Variants in GLRA2 observed in about 807,000 individuals in gnomAD.
GLRA2 encodes the protein glycine receptor subunit alpha-2.
A neutral mutation model predicts 31.6 loss-of-function variants in GLRA2; 11 were observed. That is an observed-to-expected ratio of 0.35 (90% confidence interval 0.22 to 0.58). The LOEUF is 0.58. Among genes scored for constraint, GLRA2 ranks in the 20% least tolerant of loss-of-function variants. GLRA2 has a pLI of 0.84. For synonymous variants in GLRA2, 132 were observed against 134.0 expected, an observed-to-expected ratio of 0.99 and a Z score of 0.10; for missense variants, 212 against 351.8, an observed-to-expected ratio of 0.60 and a Z score of 3.18.
chrX:14,534,739 A>G (rs1183617577), intron 2 of GLRA2, among the ~76,000 whole-genome samples: 1 of 110,685 alleles, frequency 9.0e-6, no homozygotes, highest in African/African-American at 3.3e-5. Flanking sequence ...AGGTAGATCA[A>G]TTAATGAAGA....
intron 7 of GLRA2, among the ~76,000 whole-genome samples, chrX:14,639,561 C>A (rs1408836169): frequency 1.8e-5 from 2 of 111,975 alleles, no homozygotes; most frequent in African/African-American, 6.5e-5. Context: ...TATTTTAGTG[C>A]CAGTGTGGGA....
chrX:14,532,915 A>G (rs1013055595), intron 2 of GLRA2, among the ~76,000 whole-genome samples: 7 of 110,390 alleles, frequency 6.3e-5, no homozygotes, highest in African/African-American at 2.3e-4. Context: ...TTTATTTGAA[A>G]TCAACAAAGA....
chrX:14,540,344 A>C lies in GLRA2; in HGVS notation c.202+7972A>C, dbSNP rs138172417. On this transcript the variant is annotated intron_variant, in intron 2 of 8. Transcript: ENST00000218075. ...AGCTATACAGAAGGGTCACCTAATG[A>C]AACCTGTGGAGGAATGTAGTCAATT... is the stretch of plus-strand genomic sequence containing the variant. Among the ~76,000 whole-genome samples the C allele has an allele frequency of 7.3e-3, 809 of 111,342 alleles. 4 individuals are homozygous for C. The highest frequency in any genetic ancestry group is 0.012 in the Non-Finnish European group (613 of 52,851).
intron 7 of GLRA2, among the ~76,000 whole-genome samples, chrX:14,688,765 T>C (rs2091308926): frequency 9.1e-6 from 1 of 109,821 alleles, no homozygotes; most frequent in South Asian, 3.9e-4. Context: ...AGGCAATGCC[T>C]CACCCTGGTC....
intron 7 of GLRA2, among the ~76,000 whole-genome samples, chrX:14,658,370 C>T (rs934079658): frequency 3.6e-5 from 4 of 111,554 alleles, no homozygotes; most frequent in East Asian, 2.8e-4. Context: ...AAATCGTTTT[C>T]GTCTTTATTG....
At chrX:14,451,533 G>A in the GLRA2 span, among the ~76,000 whole-genome samples, 1 of 108,081 alleles carries the variant, frequency 9.3e-6, no homozygotes, top group Non-Finnish European at 1.9e-5. Context: ...GGGAGGCTGA[G>A]GCAGGAGAAT....
the GLRA2 span, among the ~76,000 whole-genome samples, chrX:14,512,954 G>C: frequency 4.5e-5 from 5 of 111,692 alleles, no homozygotes; most frequent in African/African-American, 1.6e-4. Context: ...AGCCTGCATA[G>C]TCAAAGAAAG....
At chrX:14,719,987 A>C (rs747074320) in intron 8 of GLRA2, among the ~76,000 whole-genome samples, 1 of 111,702 alleles carries the variant, frequency 9.0e-6, no homozygotes, top group South Asian at 3.8e-4. Context: ...GAGCTGAAAA[A>C]GTAGATCTCA....
intron 8 of GLRA2, among the ~76,000 whole-genome samples, chrX:14,715,240 T>C (rs919843705): frequency 8.9e-6 from 1 of 112,460 alleles, no homozygotes; most frequent in Non-Finnish European, 1.9e-5. Context: ...GTTTCAAAAA[T>C]AGAAAACCTC....
At chrX:14,587,878 A>G (rs2090097624) in intron 4 of GLRA2, among the ~76,000 whole-genome samples, 1 of 110,103 alleles carries the variant, frequency 9.1e-6, no homozygotes, top group African/African-American at 3.3e-5. Flanking sequence ...CAGTGTCAAG[A>G]ATGGTGTTTC....
chrX:14,725,540 G>T (rs2091920319), intron 8 of GLRA2, among the ~76,000 whole-genome samples: 1 of 111,849 alleles, frequency 8.9e-6, no homozygotes, highest in South Asian at 3.7e-4. Context: ...GCGATGGAAA[G>T]ATTTTTAGGA....
rs777787797 is a variant in GLRA2 at position 14,669,562 on chromosome X, TCTTGA to T, written c.931-21144_931-21140del. Among the ~76,000 whole-genome samples, 354 of 111,587 alleles carry T rather than the reference TCTTGA, an allele frequency of 3.2e-3. 1 individual carries two copies. Among genetic ancestry groups the T allele is most frequent in the African/African-American group, 0.011 (341 of 30,709 alleles). Reference sequence around the variant, plus strand: ...GAAATCTAGGTTCCCAAACCTCAGTTCTTGACTTTTGTACACTCACAGGTTCAACA... The same window carrying T: ...GAAATCTAGGTTCCCAAACCTCAGTTCTTTTGTACACTCACAGGTTCAACA... On this transcript the variant is annotated intron_variant, in intron 7 of 8. Coordinates refer to ENST00000218075, the MANE Select transcript of GLRA2 (RefSeq NM_002063.4).
At chrX:14,609,818 A>G (rs1420603281) in intron 7 of GLRA2, among the ~76,000 whole-genome samples, 1 of 111,570 alleles carries the variant, frequency 9.0e-6, no homozygotes, top group Non-Finnish European at 1.9e-5. Flanking sequence ...GAGTCATCTA[A>G]AATGGTGAAA....
At chrX:14,586,764 GA>G (rs1277522301) in intron 4 of GLRA2, among the ~76,000 whole-genome samples, 1 of 111,924 alleles carries the variant, frequency 8.9e-6, no homozygotes, top group Non-Finnish European at 1.9e-5. Context: ...CAACATGAAA[GA>G]AAAAAGGAGA....
chrX:14,696,503 A>G (rs1314805949), intron 8 of GLRA2, among the ~76,000 whole-genome samples: 2 of 112,082 alleles, frequency 1.8e-5, no homozygotes, highest in African/African-American at 6.5e-5. Flanking sequence ...GATGGGGTCT[A>G]TTATCCATAT....
intron 2 of GLRA2, among the ~76,000 whole-genome samples, chrX:14,541,086 T>C (rs1601691872): frequency 8.9e-6 from 1 of 112,092 alleles, no homozygotes; most frequent in South Asian, 3.7e-4. Flanking sequence ...CTAATATTAA[T>C]GTGCTTGTCC....
At chrX:14,636,973 T>A (rs1410990721) in intron 7 of GLRA2, among the ~76,000 whole-genome samples, 1 of 111,771 alleles carries the variant, frequency 8.9e-6, no homozygotes, top group Non-Finnish European at 1.9e-5. Context: ...AGACCTAATT[T>A]GTTCTATTCT....
At chrX:14,571,554 T>A (rs1968782605) in intron 2 of GLRA2, among the ~76,000 whole-genome samples, 2 of 111,762 alleles carry the variant, frequency 1.8e-5, no homozygotes, top group African/African-American at 6.5e-5. Context: ...TTATAAACTC[T>A]GCGACCTTGA....
chrX:14,448,934 C>T, the GLRA2 span, among the ~76,000 whole-genome samples: 1 of 110,744 alleles, frequency 9.0e-6, no homozygotes, highest in African/African-American at 3.3e-5. Context: ...ACGAGGTGGA[C>T]GGTGAGTGAG....
Sources: allele counts gnomAD v4.1 joint callset (sites outside exome capture counted in the v4.1 genomes callset), GRCh38; gene constraint gnomAD v4.1.1; transcripts MANE v1.5; gene names NCBI Gene and HGNC (gene_info 2026-07-23, HGNC 2026-07-21).